ETV5: variants seen among roughly 807,000 people sequenced by gnomAD.
The protein encoded by ETV5 is ETS variant transcription factor 5, also known as ETS translocation variant 5.
A neutral mutation model predicts 70.0 loss-of-function variants in ETV5; 10 were observed. The ratio of observed to expected loss-of-function variants is 0.14; its 90% CI spans 0.09 to 0.24. The LOEUF (loss-of-function observed/expected upper bound fraction) is 0.24. Ranked by LOEUF, ETV5 falls within the 10% of genes least tolerant of loss-of-function variation. ETV5 has a pLI of 1.00. For synonymous variants in ETV5, 216 were observed against 242.2 expected, an observed-to-expected ratio of 0.89 and a Z score of 1.01; for missense variants, 453 against 651.2, an observed-to-expected ratio of 0.70 and a Z score of 3.31.
chr3:186,089,506 C>T (rs754403306), intron 5 of ETV5, among the ~76,000 whole-genome samples: 2 of 152,210 alleles, frequency 1.3e-5, no homozygotes, highest in Non-Finnish European at 2.9e-5. Context: ...CACAAATGAT[C>T]TCTGACCCAA....
chr3:186,098,623 A>G (rs1457835566), intron 5 of ETV5, among the ~76,000 whole-genome samples: 3 of 152,198 alleles, frequency 2.0e-5, no homozygotes, highest in Non-Finnish European at 4.4e-5. Context: ...GAGACTTTGC[A>G]AAGTACAAGG....
chr3:186,055,061 T>C (rs1332288755), intron 11 of ETV5, among the ~76,000 whole-genome samples: 1 of 152,216 alleles, frequency 6.6e-6, no homozygotes, highest in Non-Finnish European at 1.5e-5. Context: ...AATATTAGTT[T>C]CTTTATTAAG....
chr3:186,096,834 C>T (rs566430348), intron 5 of ETV5, among the ~76,000 whole-genome samples: 13 of 152,160 alleles, frequency 8.5e-5, no homozygotes, highest in African/African-American at 1.2e-4. Context: ...GAACACTGGA[C>T]GTGTGTCTGT....
intron 5 of ETV5, among the ~76,000 whole-genome samples, chr3:186,103,095 G>A (rs2108445573): frequency 6.6e-6 from 1 of 152,278 alleles, no homozygotes; most frequent in East Asian, 1.9e-4. Context: ...TTCTAGGCTA[G>A]TCAACCATCT....
At chr3:186,059,781 C>T (rs949857383) in intron 9 of ETV5, among the ~76,000 whole-genome samples, 1 of 152,120 alleles carries the variant, frequency 6.6e-6, no homozygotes. Context: ...GGATAAGGAT[C>T]GTATCTTGGT....
intron 7 of ETV5, among the ~76,000 whole-genome samples, chr3:186,073,032 T>C (rs145970188): frequency 3.3e-5 from 5 of 152,226 alleles, no homozygotes; most frequent in African/African-American, 9.6e-5. Flanking sequence ...CTAGGGAGGC[T>C]AAGGCAGGAG....
At chr3:186,056,074 A>T (rs1202116347) in intron 11 of ETV5, among the ~76,000 whole-genome samples, 1 of 152,214 alleles carries the variant, frequency 6.6e-6, no homozygotes, top group Non-Finnish European at 1.5e-5. Context: ...TGCTATACTG[A>T]GAGCCTGATT....
rs1437748979 is a variant in ETV5 at position 186,105,519 on chromosome 3, C to T, written c.134-23G>A. The T allele has an allele frequency of 6.2e-7, 1 of 1,613,958 alleles. No homozygotes were observed. Among genetic ancestry groups the T allele is most frequent in the Non-Finnish European group, 8.5e-7 (1 of 1,179,916 alleles). ...GCTCTGAAATTGAAAAAGAAGACCC[C>T]AGAATGAGGATATTTCTTTCGCTAG... is the stretch of plus-strand genomic sequence containing the variant. On this transcript the variant is annotated intron_variant, in intron 3 of 12. Coordinates refer to ENST00000306376, the MANE Select transcript of ETV5 (RefSeq NM_004454.3). This position sits in a 1 kb window ranked among gnomAD's most constrained non-coding sequence, Gnocchi z 4.5.
intron 5 of ETV5, among the ~76,000 whole-genome samples, chr3:186,081,546 C>T (rs1215429514): frequency 2.0e-5 from 3 of 152,080 alleles, no homozygotes; most frequent in East Asian, 1.9e-4. Context: ...AAGGACAAAA[C>T]GACCAAAAAT....
intron 1 of ETV5, among the ~76,000 whole-genome samples, chr3:186,107,129 C>G (rs1052230398): frequency 1.3e-5 from 2 of 152,204 alleles, no homozygotes; most frequent in African/African-American, 4.8e-5. Flanking sequence ...CAGCCAGCAT[C>G]CTCCGCAGCA....
chr3:186,091,336 G>A (rs1222079338), intron 5 of ETV5, among the ~76,000 whole-genome samples: 2 of 152,172 alleles, frequency 1.3e-5, no homozygotes, highest in Non-Finnish European at 2.9e-5. Flanking sequence ...TGATGACTCT[G>A]GGGTATTTTT....
intron 1 of ETV5, chr3:186,106,860 A>C: frequency 9.9e-6 from 7 of 707,644 alleles, no homozygotes; most frequent in Non-Finnish European, 1.2e-5. Context: ...AATTTCAGGG[A>C]GGTACCATCT....
At chr3:186,096,541 ACTCT>A (rs1486989261) in intron 5 of ETV5, among the ~76,000 whole-genome samples, 2 of 151,820 alleles carry the variant, frequency 1.3e-5, no homozygotes, top group South Asian at 4.2e-4. Context: ...GAGGTTTCAA[ACTCT>A]CTCACAAAAG....
intron 11 of ETV5, among the ~76,000 whole-genome samples, chr3:186,056,869 A>G (rs1713177064): frequency 6.6e-6 from 1 of 152,218 alleles, no homozygotes; most frequent in Non-Finnish European, 1.5e-5. Context: ...CTTTTCATGT[A>G]TTCTACACTG....
chr3:186,084,974 A>C (rs910134610), intron 5 of ETV5, among the ~76,000 whole-genome samples: 49 of 152,248 alleles, frequency 3.2e-4, no homozygotes, highest in Admixed American at 2.6e-4. Flanking sequence ...AGAAAGAGGC[A>C]GCCAGCCAGA....
At chr3:186,092,796 C>G (rs560760168) in intron 5 of ETV5, among the ~76,000 whole-genome samples, 1 of 152,218 alleles carries the variant, frequency 6.6e-6, no homozygotes, top group East Asian at 1.9e-4. Context: ...GACCATGAGG[C>G]CATTCTCTGT....
chr3:186,056,775 A>G (rs2150142210), intron 11 of ETV5, among the ~76,000 whole-genome samples: 1 of 152,370 alleles, frequency 6.6e-6, no homozygotes, highest in South Asian at 2.1e-4. Flanking sequence ...CCTGAAAAAG[A>G]CTTTCCAAGA....
intron 5 of ETV5, among the ~76,000 whole-genome samples, chr3:186,087,071 A>G (rs1484875418): frequency 6.6e-6 from 1 of 152,182 alleles, no homozygotes; most frequent in Admixed American, 6.5e-5. Context: ...ATGCTCGTGG[A>G]TTGGAAAGCT....
At chr3:186,102,652 AAAAAAG>A (rs905589983) in intron 5 of ETV5, among the ~76,000 whole-genome samples, 1 of 151,904 alleles carries the variant, frequency 6.6e-6, no homozygotes, top group African/African-American at 2.4e-5. Flanking sequence ...AAAAAAAAAA[AAAAAAG>A]GTTTGCTTTC....
Sources: allele counts gnomAD v4.1 joint callset (sites outside exome capture counted in the v4.1 genomes callset), GRCh38; gene constraint gnomAD v4.1.1; non-coding constraint Gnocchi (gnomAD v3.1); transcripts MANE v1.5; gene names NCBI Gene and HGNC (gene_info 2026-07-23, HGNC 2026-07-21).